Variants in UMAD1 observed in about 807,000 individuals in gnomAD.
UMAD1 encodes the protein UBAP1-MVB12-associated (UMA)-domain containing protein 1.
Under a neutral mutation model 6.1 loss-of-function variants are expected in UMAD1, and 8 were observed. The ratio of observed to expected loss-of-function variants is 1.30; its 90% CI spans 0.76 to 2.35. UMAD1 has a LOEUF of 2.35. Among genes scored for constraint, UMAD1 ranks in the 30% most tolerant of loss-of-function variants. UMAD1 has a pLI of 0.00. For missense variants in UMAD1, 130 were observed against 78.4 expected, an observed-to-expected ratio of 1.66 and a Z score of -2.49; for synonymous variants, 56 against 31.4, an observed-to-expected ratio of 1.78 and a Z score of -2.61.
At chr7:7,700,652 C>T (rs190646574) in intron 2 of UMAD1, among the ~76,000 whole-genome samples, 2 of 152,292 alleles carry the variant, frequency 1.3e-5, no homozygotes, top group East Asian at 3.9e-4. Context: ...CTTTGGGAGG[C>T]CTAGGTGAGC....
At chr7:7,723,427 A>T (rs887198463) in intron 2 of UMAD1, among the ~76,000 whole-genome samples, 2 of 152,204 alleles carry the variant, frequency 1.3e-5, no homozygotes, top group African/African-American at 4.8e-5. Flanking sequence ...GTGGATTAAA[A>T]TATGGCCCAC....
At chr7:7,835,097 A>G (rs1783541150) in intron 3 of UMAD1, among the ~76,000 whole-genome samples, 1 of 152,204 alleles carries the variant, frequency 6.6e-6, no homozygotes, top group African/African-American at 2.4e-5. Flanking sequence ...ATTTGGGTGG[A>G]AACACAGAGC....
At chr7:7,847,038 C>G (rs1241434721) in intron 3 of UMAD1, among the ~76,000 whole-genome samples, 2 of 95,444 alleles carry the variant, frequency 2.1e-5, no homozygotes. Flanking sequence ...CACATGTACC[C>G]TAAAACTTAG....
intron 2 of UMAD1, among the ~76,000 whole-genome samples, chr7:7,740,233 G>T (rs1781436031): frequency 6.6e-6 from 1 of 152,150 alleles, no homozygotes; most frequent in South Asian, 2.1e-4. Context: ...TTTAATAAGA[G>T]TAAAGAATTT....
At chr7:7,678,736 TATTTA>T in intron 2 of UMAD1, among the ~76,000 whole-genome samples, 1 of 46,670 alleles carries the variant, frequency 2.1e-5, no homozygotes, top group Admixed American at 2.4e-4. Context: ...TATATTTATA[TATTTA>T]GTTTATAAAT....
At chr7:7,846,399 C>G (rs1210372561) in intron 3 of UMAD1, among the ~76,000 whole-genome samples, 1 of 152,058 alleles carries the variant, frequency 6.6e-6, no homozygotes, top group Non-Finnish European at 1.5e-5. Flanking sequence ...ATCTTATTTT[C>G]CATAGATACG....
intron 1 of UMAD1, among the ~76,000 whole-genome samples, chr7:7,658,063 T>C (rs1215678864): frequency 6.6e-6 from 1 of 152,236 alleles, no homozygotes; most frequent in African/African-American, 2.4e-5. Flanking sequence ...TATTTTATTC[T>C]CTGTAGCAAT....
chr7:7,797,150 A>G (rs1238635131), intron 2 of UMAD1, among the ~76,000 whole-genome samples: 1 of 152,160 alleles, frequency 6.6e-6, no homozygotes, highest in Non-Finnish European at 1.5e-5. Flanking sequence ...GGTGAAGGGA[A>G]ACCAGCATGT....
intron 2 of UMAD1, among the ~76,000 whole-genome samples, chr7:7,710,590 C>G (rs1780730473): frequency 6.6e-6 from 1 of 152,120 alleles, no homozygotes; most frequent in Admixed American, 6.5e-5. Context: ...ATCTGGATCA[C>G]TTATTGATGA....
intron 2 of UMAD1, among the ~76,000 whole-genome samples, chr7:7,801,045 A>G (rs560140126): frequency 2.6e-5 from 4 of 152,318 alleles, no homozygotes; most frequent in African/African-American, 9.6e-5. Context: ...TACTTACCCA[A>G]GTGTGTTTGT....
At chr7:7,717,393 A>C (rs1181972741) in intron 2 of UMAD1, among the ~76,000 whole-genome samples, 1 of 151,150 alleles carries the variant, frequency 6.6e-6, no homozygotes, top group Non-Finnish European at 1.5e-5. Flanking sequence ...CCACTCTTAA[A>C]CTCACTCCTT....
chr7:7,780,240 C>T (rs1437491129), intron 2 of UMAD1, among the ~76,000 whole-genome samples: 1 of 152,218 alleles, frequency 6.6e-6, no homozygotes, highest in Non-Finnish European at 1.5e-5. Flanking sequence ...CTAAGCTCTC[C>T]TCATAAACAA....
chr7:7,746,355 ATATGT>A (rs948478575), intron 2 of UMAD1, among the ~76,000 whole-genome samples: 1 of 152,182 alleles, frequency 6.6e-6, no homozygotes. Context: ...AAACAACCTG[ATATGT>A]TGAGTTGAAG....
At chr7:7,724,491 C>A (rs534620934) in intron 2 of UMAD1, among the ~76,000 whole-genome samples, 1 of 152,134 alleles carries the variant, frequency 6.6e-6, no homozygotes, top group Non-Finnish European at 1.5e-5. Context: ...ATTAGAGATG[C>A]CTCTACCTAG....
chr7:7,764,891 A>G (rs1306292788), intron 2 of UMAD1, among the ~76,000 whole-genome samples: 1 of 151,856 alleles, frequency 6.6e-6, no homozygotes, highest in Non-Finnish European at 1.5e-5. Flanking sequence ...CTTTTGAAGC[A>G]CTTCCTTCCC....
At chr7:7,849,206 A>T (rs186570226) in intron 3 of UMAD1, among the ~76,000 whole-genome samples, 44 of 152,236 alleles carry the variant, frequency 2.9e-4, no homozygotes, top group African/African-American at 9.9e-4. Context: ...AAATAGATTC[A>T]CTTATTCCCA....
At chr7:7,874,760 A>G (rs1245131557) in intron 3 of UMAD1, among the ~76,000 whole-genome samples, 2 of 152,218 alleles carry the variant, frequency 1.3e-5, no homozygotes, top group Non-Finnish European at 2.9e-5. Context: ...AAAACCAGGT[A>G]AAACCAATTC....
chr7:7,717,060 CTTTTTTTT>C (rs766644906), intron 2 of UMAD1, among the ~76,000 whole-genome samples: 1 of 141,604 alleles, frequency 7.1e-6, no homozygotes, highest in Non-Finnish European at 1.5e-5. Context: ...TTCTTTTTTT[CTTTTTTTT>C]TTTTTTGAGA....
chr7:7,785,157 A>G (rs1206189611), intron 2 of UMAD1, among the ~76,000 whole-genome samples: 1 of 152,232 alleles, frequency 6.6e-6, no homozygotes, highest in Non-Finnish European at 1.5e-5. Context: ...AGAATTTTGT[A>G]TAAGAAGTGA....
Sources: gnomAD v4.1 joint callset for allele counts (sites outside exome capture counted in the v4.1 genomes callset) on GRCh38, gnomAD v4.1.1 for gene constraint, MANE v1.5 for transcripts, NCBI Gene and HGNC (gene_info 2026-07-23, HGNC 2026-07-21) for gene names.